The following DDX10 variants were observed in gnomAD, a reference collection of about 807,000 sequenced individuals.
DDX10 encodes DEAD-box helicase 10.
Under a neutral mutation model 104.3 loss-of-function variants are expected in DDX10, and 74 were observed. The ratio of observed to expected loss-of-function variants is 0.71; its 90% CI spans 0.59 to 0.86. The LOEUF (loss-of-function observed/expected upper bound fraction) is 0.86. Ranked by LOEUF, DDX10 falls within the 40% of genes least tolerant of loss-of-function variation. The pLI, the probability that DDX10 is intolerant of heterozygous loss-of-function variation, is 0.00. For synonymous variants in DDX10, 351 were observed against 353.4 expected (o/e 0.99, Z 0.08); for missense variants, 952 against 1,040.0 (o/e 0.92, Z 1.16).
At chr11:108,766,263 T>C (rs1803423889) in intron 13 of DDX10, among the ~76,000 whole-genome samples, 1 of 152,222 alleles carries the variant, frequency 6.6e-6, no homozygotes, top group African/African-American at 2.4e-5. Context: ...ATACAATTCA[T>C]TTTGTATCGT....
At chr11:108,874,433 G>A (rs1863123652) in intron 16 of DDX10, among the ~76,000 whole-genome samples, 1 of 152,156 alleles carries the variant, frequency 6.6e-6, no homozygotes, top group South Asian at 2.1e-4. Context: ...TCATAATTCT[G>A]TTGATTACTC....
At chr11:108,739,191 C>G (rs2094322052) in intron 13 of DDX10, among the ~76,000 whole-genome samples, 1 of 152,118 alleles carries the variant, frequency 6.6e-6, no homozygotes, top group Non-Finnish European at 1.5e-5. Flanking sequence ...ATGATGGCTT[C>G]CCAAAGTTAG....
intron 8 of DDX10, among the ~76,000 whole-genome samples, chr11:108,692,438 C>T (rs2094254058): frequency 6.6e-6 from 1 of 151,674 alleles, no homozygotes; most frequent in African/African-American, 2.4e-5. Context: ...TAAATAACTA[C>T]ATTTAGCGTA....
intron 13 of DDX10, among the ~76,000 whole-genome samples, chr11:108,756,045 CAT>C (rs1411529385): frequency 1.3e-5 from 2 of 151,794 alleles, no homozygotes; most frequent in Admixed American, 6.6e-5. Context: ...ATTCCAAAGT[CAT>C]GTGTCATGTC....
chr11:108,784,045 G>C (rs1027745569), intron 13 of DDX10, among the ~76,000 whole-genome samples: 2 of 152,100 alleles, frequency 1.3e-5, no homozygotes, highest in Non-Finnish European at 2.9e-5. Context: ...TATTTATCCA[G>C]TTCATCATTG....
At chr11:108,797,595 C>A (rs949247576) in intron 13 of DDX10, among the ~76,000 whole-genome samples, 1 of 152,140 alleles carries the variant, frequency 6.6e-6, no homozygotes, top group Non-Finnish European at 1.5e-5. Flanking sequence ...CAGCATATGA[C>A]CAGAGTTATA....
chr11:108,700,837 TTTTA>T (rs2134456493), intron 9 of DDX10, among the ~76,000 whole-genome samples: 1 of 152,290 alleles, frequency 6.6e-6, no homozygotes, highest in African/African-American at 2.4e-5. Context: ...TGCGGTTTCT[TTTTA>T]TTCTTAATGT....
rs1282563267 is a variant in DDX10 at position 108,805,956 on chromosome 11, ATTTAT to A, written c.1966-32476_1966-32472del. Among the ~76,000 whole-genome samples the A allele has an allele frequency of 5.9e-5, 9 of 152,130 alleles. No individual in the cohort carries two copies. In the South Asian group the frequency reaches 6.2e-4, roughly 11 times the overall value. ...TTACACATTTTAAACTTTTTTTAAAATTTATTTTATTTTATTTTTTTTGAGATGGA... is the reference window on the plus strand; with the variant it reads ...TTACACATTTTAAACTTTTTTTAAAATTTATTTTATTTTTTTTGAGATGGA... On this transcript the variant is annotated intron_variant, in intron 13 of 17. Transcript: ENST00000322536.
intron 9 of DDX10, among the ~76,000 whole-genome samples, chr11:108,704,878 T>G (rs1329748998): frequency 1.3e-5 from 2 of 152,200 alleles, no homozygotes; most frequent in African/African-American, 4.8e-5. Context: ...GACTCTCAAA[T>G]GGTGCCTTAT....
chr11:108,910,078 C>CAA (rs747161005), intron 16 of DDX10, among the ~76,000 whole-genome samples: 3 of 75,286 alleles, frequency 4.0e-5, no homozygotes, highest in African/African-American at 1.3e-4. Flanking sequence ...ATATTCTAGG[C>CAA]AAAAAAAAAA....
rs144483193 is a variant in DDX10, at chr11:108,732,577, C to T, written c.1965+9115C>T. ...GGCCTTCTGGAATGCTGCCTTGTCA[C>T]AATCCTTTTCTGTTTGACGAGATCG... is the stretch of plus-strand genomic sequence containing the variant. On this transcript the variant is annotated intron_variant, in intron 13 of 17. Transcript: ENST00000322536. Among the ~76,000 whole-genome samples the T allele has an allele frequency of 4.2e-4, 64 of 152,302 alleles. 1 individual carries two copies. The highest frequency in any genetic ancestry group is 1.5e-3 in the African/African-American group (62 of 41,578).
intron 13 of DDX10, among the ~76,000 whole-genome samples, chr11:108,724,216 C>G (rs2094302381): frequency 1.3e-5 from 2 of 151,620 alleles, no homozygotes; most frequent in African/African-American, 4.9e-5. Flanking sequence ...TCAAGATTCA[C>G]AGTAGGAAAT....
At position 108,812,427 on chromosome 11, in the gene DDX10, C is replaced by T. The variant is rs966895020; in HGVS notation, c.1966-26019C>T. Reference sequence around the variant, plus strand: ...TTAATGGTATTATATCTCTCAAAAACGTACAATTGAAGGAGAGTATTAGTA... The same window carrying T: ...TTAATGGTATTATATCTCTCAAAAATGTACAATTGAAGGAGAGTATTAGTA... On this transcript the variant is annotated intron_variant, in intron 13 of 17. Coordinates refer to ENST00000322536, the MANE Select transcript of DDX10 (RefSeq NM_004398.4). Among the ~76,000 whole-genome samples, 7 of 152,002 alleles carry T rather than the reference C, an allele frequency of 4.6e-5. No individual in the cohort carries two copies. The South Asian group carries it at 6.2e-4, about 14-fold the overall frequency.
chr11:108,849,896 T>G (rs1247332635), intron 15 of DDX10, among the ~76,000 whole-genome samples: 1 of 152,132 alleles, frequency 6.6e-6, no homozygotes, highest in African/African-American at 2.4e-5. Flanking sequence ...ATAAACCGTC[T>G]TTAGAAAATT....
intron 13 of DDX10, among the ~76,000 whole-genome samples, chr11:108,757,751 C>T (rs570729516): frequency 8.5e-5 from 13 of 152,102 alleles, no homozygotes; most frequent in African/African-American, 2.7e-4. Flanking sequence ...TGTTTTTCTC[C>T]CAGTACTTGT....
intron 15 of DDX10, among the ~76,000 whole-genome samples, chr11:108,845,316 A>G (rs551718384): frequency 1.2e-4 from 19 of 152,330 alleles, no homozygotes; most frequent in African/African-American, 4.3e-4. Context: ...AATCCTGCAC[A>G]AATTACTTTG....
intron 13 of DDX10, among the ~76,000 whole-genome samples, chr11:108,812,892 G>C (rs142967755): frequency 0.012 from 1,755 of 147,302 alleles, 38 homozygotes; most frequent in African/African-American, 0.042. Flanking sequence ...TGAGGCAGGA[G>C]AGTCTCTTGA....
At chr11:108,677,857 C>T (rs1386633804) in intron 4 of DDX10, among the ~76,000 whole-genome samples, 1 of 151,766 alleles carries the variant, frequency 6.6e-6, no homozygotes, top group Non-Finnish European at 1.5e-5. Flanking sequence ...TGTTTTTTCC[C>T]ACCGCCTCCA....
chr11:108,745,545 T>C (rs955988077), intron 13 of DDX10, among the ~76,000 whole-genome samples: 10 of 152,046 alleles, frequency 6.6e-5, no homozygotes, highest in Admixed American at 5.9e-4. Flanking sequence ...GCTGGAAAAT[T>C]TCTATTTTAC....
Sources: gnomAD v4.1 joint callset for allele counts (sites outside exome capture counted in the v4.1 genomes callset) on GRCh38, gnomAD v4.1.1 for gene constraint, MANE v1.5 for transcripts, NCBI Gene and HGNC (gene_info 2026-07-23, HGNC 2026-07-21) for gene names.